CRISPLD2: variants seen among roughly 807,000 people sequenced by gnomAD.
The protein encoded by CRISPLD2 is cysteine-rich secretory protein LCCL domain-containing 2.
In CRISPLD2, 47 loss-of-function variants were observed where a neutral mutation model predicts 71.1. The observed-to-expected ratio is 0.66, with a 90% confidence interval of 0.52 to 0.84. The LOEUF is 0.84. Ranked by LOEUF, CRISPLD2 falls within the 40% of genes least tolerant of loss-of-function variation. CRISPLD2 has a pLI of 0.00. For missense variants in CRISPLD2, 830 were observed against 651.1 expected (o/e 1.27, Z -2.99); for synonymous variants, 317 against 250.1 (o/e 1.27, Z -2.52).
At chr16:84,868,081 G>A (rs1232906217) in intron 7 of CRISPLD2, among the ~76,000 whole-genome samples, 1 of 152,140 alleles carries the variant, frequency 6.6e-6, no homozygotes, top group Non-Finnish European at 1.5e-5. Flanking sequence ...ACCCCTCTTT[G>A]AGGAACAGCC....
intron 6 of CRISPLD2, among the ~76,000 whole-genome samples, chr16:84,858,959 C>T (rs1385434912): frequency 2.0e-5 from 3 of 152,218 alleles, no homozygotes; most frequent in Non-Finnish European, 4.4e-5. Context: ...CATCTATCTT[C>T]TGCACAGGCC....
chr16:84,897,608 G>GTTGT (rs970035729), intron 14 of CRISPLD2, among the ~76,000 whole-genome samples: 8 of 151,614 alleles, frequency 5.3e-5, no homozygotes, highest in South Asian at 2.1e-4. Context: ...GCCTTTTTTT[G>GTTGT]TTGTTTGTTT....
intron 14 of CRISPLD2, among the ~76,000 whole-genome samples, chr16:84,901,256 G>GA (rs1265640593): frequency 1.3e-5 from 2 of 152,036 alleles, no homozygotes; most frequent in Admixed American, 1.3e-4. Context: ...TATTTGTGTT[G>GA]AAAAAATGGG....
intron 14 of CRISPLD2, among the ~76,000 whole-genome samples, chr16:84,903,680 G>A (rs777615737): frequency 5.9e-5 from 9 of 152,122 alleles, no homozygotes; most frequent in South Asian, 2.1e-4. Flanking sequence ...GGAGACTCGC[G>A]TCTGGAAGAC....
At position 84,908,222 on chromosome 16, in the gene CRISPLD2, T is replaced by A. The variant is rs560706352; in HGVS notation, c.*1580T>A. On this transcript the variant is annotated 3_prime_UTR_variant, in exon 15 of 15. Coordinates refer to ENST00000262424, the MANE Select transcript of CRISPLD2 (RefSeq NM_031476.4). ...AACAAAAACCCACCCCTTTAAGGAG[T>A]TGGTAAAAAGCAGTTCAACTCTTAG... 1 of 151,930 alleles carries A rather than the reference T, an allele frequency of 6.6e-6. No homozygotes were observed. The highest frequency in any genetic ancestry group is 1.5e-5 in the Non-Finnish European group (1 of 67,988). The allele number at this position is 151,930 out of a possible 1,614,324, so 9.4% of individuals were successfully genotyped here. A position where few individuals can be genotyped will look rare whatever the true frequency, so the allele number is the denominator to read the frequency against.
At position 84,906,929 on chromosome 16, in the gene CRISPLD2, G is replaced by C. The variant is rs560803451; in HGVS notation, c.*287G>C. 1.5e-5 allele frequency: 7 copies of C among 475,978 alleles called. No individual in the cohort carries two copies. The highest frequency in any genetic ancestry group is 2.3e-5 in the Non-Finnish European group (6 of 263,694). 29.5% of individuals were successfully genotyped at this position (475,978 alleles called of 1,614,324 possible). A position where few individuals can be genotyped will look rare whatever the true frequency, so the allele number is the denominator to read the frequency against. ...TTAGAGATCTGAGCTGTCTCTTAAAGGGGACAGTTGCCCAAAATGTTCCTT... is the reference window on the plus strand; with the variant it reads ...TTAGAGATCTGAGCTGTCTCTTAAACGGGACAGTTGCCCAAAATGTTCCTT... On this transcript the variant is annotated 3_prime_UTR_variant, in exon 15 of 15. Coordinates refer to ENST00000262424, the MANE Select transcript of CRISPLD2 (RefSeq NM_031476.4).
At chr16:84,873,313 A>G in intron 10 of CRISPLD2, 191 bp downstream of exon 10, 2 of 497,596 alleles carry the variant, frequency 4.0e-6, no homozygotes, top group Non-Finnish European at 6.8e-6. Flanking sequence ...GTCCGTCTCT[A>G]CTAAAAATAC....
At chr16:84,849,688 G>C (rs1027571400) in intron 4 of CRISPLD2, among the ~76,000 whole-genome samples, 171 bp downstream of exon 4, 4 of 151,540 alleles carry the variant, frequency 2.6e-5, no homozygotes, top group Middle Eastern at 3.4e-3. Context: ...TTTGTTACCA[G>C]CAAGGTCAGA....
chr16:84,838,303 CTCAGTTT>C (rs1380709534), intron 1 of CRISPLD2, 112 bp from the exon 2 acceptor site: 40 of 660,122 alleles, frequency 6.1e-5, no homozygotes, highest in Admixed American at 1.1e-4. Flanking sequence ...TTCTGTGGGC[CTCAGTTT>C]CCGCATCTGT....
chr16:84,905,218 G>T (rs901683199), intron 14 of CRISPLD2, among the ~76,000 whole-genome samples: 2 of 152,150 alleles, frequency 1.3e-5, no homozygotes, highest in Non-Finnish European at 2.9e-5. Context: ...AGTAAGCCAC[G>T]ATCATGCCAC....
At chr16:84,827,975 C>A (rs1185080492) in intron 1 of CRISPLD2, among the ~76,000 whole-genome samples, 1 of 152,190 alleles carries the variant, frequency 6.6e-6, no homozygotes, top group Non-Finnish European at 1.5e-5. Flanking sequence ...TCCGGGATGT[C>A]CTGCTCACAC....
chr16:84,884,963 A>G (rs2071599507), intron 13 of CRISPLD2, among the ~76,000 whole-genome samples: 1 of 152,348 alleles, frequency 6.6e-6, no homozygotes, highest in African/African-American at 2.4e-5. Flanking sequence ...ACTGGGAAAC[A>G]GCCTGGGCCT....
At chr16:84,901,135 G>A (rs1197359487) in intron 14 of CRISPLD2, among the ~76,000 whole-genome samples, 6 of 151,954 alleles carry the variant, frequency 3.9e-5, no homozygotes, top group Non-Finnish European at 5.9e-5. Flanking sequence ...ACTATGCAGT[G>A]GATAAAAAGA....
chr16:84,877,406 C>G (rs781143993), intron 11 of CRISPLD2, 32 bp from the exon 12 acceptor site: 5 of 1,608,132 alleles, frequency 3.1e-6, no homozygotes, highest in Non-Finnish European at 3.4e-6. Flanking sequence ...CGTGCTGGGA[C>G]CTGACCCTTT....
At chr16:84,832,859 C>A (rs1916521287) in intron 1 of CRISPLD2, among the ~76,000 whole-genome samples, 1 of 152,230 alleles carries the variant, frequency 6.6e-6, no homozygotes, top group Admixed American at 6.5e-5. Flanking sequence ...TCACTCACTT[C>A]TGAGTGTTGA....
intron 11 of CRISPLD2, among the ~76,000 whole-genome samples, chr16:84,876,534 T>C (rs571453959): frequency 6.7e-6 from 1 of 148,286 alleles, no homozygotes; most frequent in South Asian, 2.1e-4. Flanking sequence ...GGTTTCCACC[T>C]GTAATCTTAG....
chr16:84,849,169 C>G, intron 3 of CRISPLD2: 1 of 543,318 alleles, frequency 1.8e-6, no homozygotes. Flanking sequence ...CCACCTCGGC[C>G]TCCCTCCCTC....
intron 14 of CRISPLD2, among the ~76,000 whole-genome samples, chr16:84,893,579 G>C (rs1180432533): frequency 2.6e-5 from 4 of 152,234 alleles, no homozygotes; most frequent in Non-Finnish European, 5.9e-5. Context: ...TTGCCATCTA[G>C]TGAGAGGACA....
rs572744737 is a variant in CRISPLD2 at position 84,847,448 on chromosome 16, A to G, written c.359+1544A>G. On this transcript the variant is annotated intron_variant, in intron 3 of 14. Coordinates refer to ENST00000262424, the MANE Select transcript of CRISPLD2 (RefSeq NM_031476.4). ...GGGCAGAATACAAGGTCAGGAGTTC[A>G]AGACTATCCTGGCCAACATAGTGAA... Among the ~76,000 whole-genome samples, 31 of 152,288 alleles carry G rather than the reference A, an allele frequency of 2.0e-4. No homozygotes were observed. In the South Asian group the frequency reaches 2.3e-3, roughly 11 times the overall value.
Sources: allele counts gnomAD v4.1 joint callset (sites outside exome capture counted in the v4.1 genomes callset), GRCh38; gene constraint gnomAD v4.1.1; transcripts MANE v1.5; gene names NCBI Gene and HGNC (gene_info 2026-07-23, HGNC 2026-07-21).